Variants in SLC1A1 observed in about 807,000 individuals in gnomAD.
SLC1A1 encodes the protein excitatory amino acid transporter 3.
A neutral mutation model predicts 53.3 loss-of-function variants in SLC1A1; 43 were observed. That is an observed-to-expected ratio of 0.81 (90% CI 0.63 to 1.04). The LOEUF (loss-of-function observed/expected upper bound fraction) is 1.04. Among genes scored for constraint, SLC1A1 ranks in the 50% least tolerant of loss-of-function variants. SLC1A1 has a pLI of 0.00. For missense variants in SLC1A1, 748 were observed against 664.9 expected (o/e 1.12, Z -1.37); for synonymous variants, 307 against 243.2 (o/e 1.26, Z -2.44).
At chr9:4,545,399 C>T (rs191587852) in intron 2 of SLC1A1, among the ~76,000 whole-genome samples, 8 of 152,198 alleles carry the variant, frequency 5.3e-5, no homozygotes, top group Admixed American at 1.3e-4. Flanking sequence ...ATAAACAAAA[C>T]GTTATCTGGG....
intron 1 of SLC1A1, among the ~76,000 whole-genome samples, chr9:4,508,683 G>A (rs545442691): frequency 6.6e-6 from 1 of 152,310 alleles, no homozygotes; most frequent in South Asian, 2.1e-4. Flanking sequence ...CTGTGGCCCA[G>A]TTTTCATGCT....
At chr9:4,505,578 T>G (rs886256151) in intron 1 of SLC1A1, among the ~76,000 whole-genome samples, 1 of 152,242 alleles carries the variant, frequency 6.6e-6, no homozygotes, top group Non-Finnish European at 1.5e-5. Flanking sequence ...TTCCATTGGC[T>G]CTACGTGCAA....
At position 4,524,133 on chromosome 9, in the gene SLC1A1, G is replaced by A. The variant is rs530167887; in HGVS notation, c.92-20434G>A. ...GATTGTTGGCTAATTGATCCTATGT[G>A]CATACATGGGAATACTTGGAAAAGC... On this transcript the variant is annotated intron_variant, in intron 1 of 11. Transcript: ENST00000262352. 2.6e-5 allele frequency among the ~76,000 whole-genome samples: 4 copies of A among 152,254 alleles called. 1 individual carries two copies. The highest frequency in any genetic ancestry group is 4.2e-4 in the South Asian group (2 of 4,816).
At chr9:4,518,274 C>CTT (rs1402095775) in intron 1 of SLC1A1, among the ~76,000 whole-genome samples, 2 of 134,474 alleles carry the variant, frequency 1.5e-5, no homozygotes, top group Non-Finnish European at 3.2e-5. Context: ...GAAGTCCTTA[C>CTT]TTTTTTTTTG....
At chr9:4,520,481 G>C (rs143889229) in intron 1 of SLC1A1, among the ~76,000 whole-genome samples, 1 of 151,978 alleles carries the variant, frequency 6.6e-6, no homozygotes, top group Non-Finnish European at 1.5e-5. Flanking sequence ...GCCTGTTCTG[G>C]ACATTTCATA....
intron 1 of SLC1A1, among the ~76,000 whole-genome samples, chr9:4,499,453 T>G (rs943230902): frequency 5.3e-5 from 8 of 152,208 alleles, no homozygotes; most frequent in African/African-American, 1.9e-4. Context: ...GAAAAGAAAC[T>G]GGGCTTTGAA....
chr9:4,576,852 C>T, intron 10 of SLC1A1, 89 bp downstream of exon 10: 2 of 1,100,258 alleles, frequency 1.8e-6, no homozygotes, highest in South Asian at 1.2e-5. Flanking sequence ...AAGAATGTCG[C>T]AGTGATGAAT....
At chr9:4,524,670 G>C (rs1022650413) in intron 1 of SLC1A1, among the ~76,000 whole-genome samples, 8 of 152,276 alleles carry the variant, frequency 5.3e-5, no homozygotes, top group Admixed American at 2.6e-4. Flanking sequence ...AAATATGATA[G>C]AGAAAGTCAT....
At chr9:4,502,962 C>G (rs1820686052) in intron 1 of SLC1A1, among the ~76,000 whole-genome samples, 1 of 151,626 alleles carries the variant, frequency 6.6e-6, no homozygotes, top group Non-Finnish European at 1.5e-5. Flanking sequence ...GTTGCTTTCC[C>G]AGAACTGTTG....
chr9:4,507,151 G>A (rs773998661), intron 1 of SLC1A1, among the ~76,000 whole-genome samples: 6 of 152,186 alleles, frequency 3.9e-5, no homozygotes, highest in East Asian at 1.9e-4. Context: ...GGAGAATGGC[G>A]TGAACCCGGG....
In SLC1A1 at chr9:4,585,471, C is replaced by T. The variant is rs1160967763; in HGVS notation, c.1488C>T (p.Asp496=). 27 of 1,614,104 alleles carry T rather than the reference C, an allele frequency of 1.7e-5. No homozygotes were observed. The highest frequency in any genetic ancestry group is 2.0e-5 in the Non-Finnish European group (24 of 1,180,044). ...AATCCACAATCCTTGACAACGAAGA[C>T]TCAGACACCAAGAAGTCTTATGTCA... The part of the protein sequence containing the change: ...ALESTILDNE[D]SDTKKSYVNG... Residue 496 remains aspartate, a synonymous_variant, in exon 12 of 12, where the codon GAC becomes GAT. Transcript: ENST00000262352.
chr9:4,531,519 A>T (rs115013914), intron 1 of SLC1A1, among the ~76,000 whole-genome samples: 4,005 of 152,234 alleles, frequency 0.026, 193 homozygotes, highest in African/African-American at 0.092. Context: ...AGGGGCGCCC[A>T]TCACTGTCCA....
intron 1 of SLC1A1, among the ~76,000 whole-genome samples, chr9:4,513,905 T>G (rs1821075411): frequency 6.6e-6 from 1 of 152,152 alleles, no homozygotes; most frequent in South Asian, 2.1e-4. Context: ...AGATGAATCT[T>G]AGAGGCATTA....
rs1361270705 is a variant in SLC1A1 at position 4,562,943 on chromosome 9, G to A, written c.326-1401G>A. Among the ~76,000 whole-genome samples, 3 of 139,154 alleles carry A rather than the reference G, an allele frequency of 2.2e-5. No homozygotes were observed. The East Asian group carries it at 6.6e-4, about 30-fold the overall frequency. 91.3% of individuals were successfully genotyped at this position (139,154 alleles called of 152,430 possible). On this transcript the variant is annotated intron_variant, in intron 3 of 11. Coordinates refer to ENST00000262352, the MANE Select transcript of SLC1A1 (RefSeq NM_004170.6). ...TTAGATCACATGGACACAGGAAGGGGAACATCACACTCTGGGGACTGTTGT... is the reference window on the plus strand; with the variant it reads ...TTAGATCACATGGACACAGGAAGGGAAACATCACACTCTGGGGACTGTTGT...
intron 2 of SLC1A1, chr9:4,553,305 A>G (rs2130894721): frequency 6.6e-6 from 1 of 152,100 alleles, no homozygotes; most frequent in East Asian, 1.9e-4. Context: ...TTCCATAGTA[A>G]TGAAAAAAAT....
intron 1 of SLC1A1, among the ~76,000 whole-genome samples, chr9:4,511,547 C>A (rs1365178765): frequency 1.4e-5 from 2 of 144,246 alleles, no homozygotes; most frequent in Non-Finnish European, 3.0e-5. Flanking sequence ...CATGTTTTGC[C>A]TTAAACTCTT....
chr9:4,523,635 T>C (rs891990889), intron 1 of SLC1A1, among the ~76,000 whole-genome samples: 1 of 152,210 alleles, frequency 6.6e-6, no homozygotes, highest in African/African-American at 2.4e-5. Flanking sequence ...TAACCATGAC[T>C]TACCTGTCAA....
At chr9:4,500,956 C>T (rs985338789) in intron 1 of SLC1A1, among the ~76,000 whole-genome samples, 1 of 152,116 alleles carries the variant, frequency 6.6e-6, no homozygotes, top group African/African-American at 2.4e-5. Context: ...TCCCACTCAG[C>T]CAAGACAGGG....
At chr9:4,532,312 G>GA (rs896363180) in intron 1 of SLC1A1, among the ~76,000 whole-genome samples, 10 of 151,160 alleles carry the variant, frequency 6.6e-5, no homozygotes, top group Non-Finnish European at 1.0e-4. Context: ...TAAAAACCTT[G>GA]AAAAAAAAAT....
Sources: allele counts gnomAD v4.1 joint callset (sites outside exome capture counted in the v4.1 genomes callset), GRCh38; gene constraint gnomAD v4.1.1; transcripts MANE v1.5; gene names NCBI Gene and HGNC (gene_info 2026-07-23, HGNC 2026-07-21).